The following SHANK2 variants were observed in gnomAD, a reference collection of about 807,000 sequenced individuals.
SHANK2 encodes the protein SH3 and multiple ankyrin repeat domains protein 2.
A neutral mutation model predicts 133.7 loss-of-function variants in SHANK2; 43 were observed. That is an observed-to-expected ratio of 0.32 (90% confidence interval 0.25 to 0.41). SHANK2 has a LOEUF of 0.41. Ranked by LOEUF, SHANK2 falls within the 10% of genes least tolerant of loss-of-function variation. SHANK2 has a pLI of 1.00. For synonymous variants in SHANK2, 1,017 were observed against 952.8 expected, an observed-to-expected ratio of 1.07 and a Z score of -1.24; for missense variants, 1,994 against 2,235.8, an observed-to-expected ratio of 0.89 and a Z score of 2.18.
chr11:70,833,951 G>T (rs1478299759), intron 11 of SHANK2, among the ~76,000 whole-genome samples: 1 of 152,216 alleles, frequency 6.6e-6, no homozygotes, highest in East Asian at 1.9e-4. Flanking sequence ...AGGCCCTTCT[G>T]CCAGGAAGGA....
intron 11 of SHANK2, among the ~76,000 whole-genome samples, chr11:70,872,562 C>A (rs1207216576): frequency 1.3e-5 from 2 of 151,924 alleles, no homozygotes; most frequent in Non-Finnish European, 2.9e-5. Flanking sequence ...GGAAGAGAGA[C>A]CCTCAGATGG....
intron 17 of SHANK2, among the ~76,000 whole-genome samples, chr11:70,614,734 G>A (rs34307042): frequency 0.049 from 7,429 of 152,330 alleles, 205 homozygotes; most frequent in South Asian, 0.069. Context: ...GTTGCTGTGA[G>A]AGCAAGGATG....
intron 9 of SHANK2, among the ~76,000 whole-genome samples, chr11:71,058,713 A>G (rs1020610286): frequency 6.6e-6 from 1 of 152,218 alleles, no homozygotes; most frequent in African/African-American, 2.4e-5. Context: ...TAGTGTACAG[A>G]CAACAGGTGT....
At chr11:70,522,404 G>A (rs2059341534) in intron 17 of SHANK2, among the ~76,000 whole-genome samples, 1 of 152,234 alleles carries the variant, frequency 6.6e-6, no homozygotes, top group Non-Finnish European at 1.5e-5. Context: ...TACCAAAGGG[G>A]TGGCCACAGC....
chr11:70,566,934 T>C (rs2059975604), intron 17 of SHANK2, among the ~76,000 whole-genome samples: 1 of 152,212 alleles, frequency 6.6e-6, no homozygotes, highest in African/African-American at 2.4e-5. Flanking sequence ...GAAGAATCTC[T>C]ACTCAGCCAC....
chr11:70,646,225 T>C (rs1182803914), intron 17 of SHANK2: 1 of 152,136 alleles, frequency 6.6e-6, no homozygotes, highest in Non-Finnish European at 1.5e-5. Context: ...GGAAAGATCG[T>C]TTCCCTTCCC....
In SHANK2 at chr11:70,759,061, A is replaced by C. The variant is rs979562319; in HGVS notation, c.1777+39382T>G. Among the ~76,000 whole-genome samples, 6 of 152,132 alleles carry C rather than the reference A, an allele frequency of 3.9e-5. No homozygotes were observed. In the East Asian group the frequency reaches 1.2e-3, roughly 29 times the overall value. ...GTAGTCCCAGCTACTCAGGAGGCCA[A>C]GACAGAGAACTGCTTGAACCTGGGA... On this transcript the variant is annotated intron_variant, in intron 14 of 25. Coordinates refer to ENST00000601538, the MANE Select transcript of SHANK2 (RefSeq NM_012309.5).
intron 11 of SHANK2, among the ~76,000 whole-genome samples, chr11:70,845,222 A>AAAAG (rs1183649793): frequency 6.6e-6 from 1 of 150,858 alleles, no homozygotes; most frequent in Non-Finnish European, 1.5e-5. Context: ...AAAAAAAAGA[A>AAAAG]AAAGAAAGAA....
intron 14 of SHANK2, among the ~76,000 whole-genome samples, chr11:70,724,893 T>G (rs1946148787): frequency 6.6e-6 from 1 of 152,170 alleles, no homozygotes; most frequent in South Asian, 2.1e-4. Flanking sequence ...CTGATGCCCA[T>G]ACACCCTACA....
At chr11:70,779,961 G>A (rs548332391) in intron 14 of SHANK2, among the ~76,000 whole-genome samples, 7 of 63,392 alleles carry the variant, frequency 1.1e-4, no homozygotes, top group Admixed American at 8.2e-4. Context: ...CAGGACTCTC[G>A]CTAAGAAGCT....
intron 15 of SHANK2, among the ~76,000 whole-genome samples, chr11:70,691,085 T>G (rs1945279244): frequency 6.6e-6 from 1 of 152,182 alleles, no homozygotes; most frequent in African/African-American, 2.4e-5. Context: ...TTACTTTCAT[T>G]ACATGCATGC....
At chr11:70,955,408 A>G (rs1950903928) in intron 10 of SHANK2, among the ~76,000 whole-genome samples, 1 of 143,432 alleles carries the variant, frequency 7.0e-6, no homozygotes, top group Non-Finnish European at 1.5e-5. Context: ...TTCTCCAGAG[A>G]CACAGACCCA....
chr11:70,716,355 C>T (rs1041581228), intron 14 of SHANK2, among the ~76,000 whole-genome samples: 4 of 151,852 alleles, frequency 2.6e-5, no homozygotes, highest in East Asian at 1.9e-4. Context: ...TGGGTGGGGG[C>T]GGGAGGATTC....
Position 71,244,142 on chromosome 11 carries a change from T to C in SHANK2, c.-113+8283A>G, listed in dbSNP as rs779664109. Among the ~76,000 whole-genome samples, 102 of 152,156 alleles carry C rather than the reference T, an allele frequency of 6.7e-4. 1 individual carries two copies. Among genetic ancestry groups the C allele is most frequent in the Non-Finnish European group, 7.6e-4 (52 of 68,020 alleles). On this transcript the variant is annotated intron_variant, in intron 1 of 25. Transcript: ENST00000601538. ...ACACTTGCAAGCCTGCCTCACTCTATAAATTGGCCAGGCTGCTCTCTCAGA... is the reference window on the plus strand; with the variant it reads ...ACACTTGCAAGCCTGCCTCACTCTACAAATTGGCCAGGCTGCTCTCTCAGA...
intron 10 of SHANK2, among the ~76,000 whole-genome samples, chr11:70,921,728 C>T (rs188778677): frequency 1.3e-5 from 2 of 152,328 alleles, no homozygotes; most frequent in African/African-American, 2.4e-5. Flanking sequence ...AAAACTACAA[C>T]CCAGCCTTGA....
At chr11:70,574,591 G>T (rs1222645978) in intron 17 of SHANK2, among the ~76,000 whole-genome samples, 1 of 152,198 alleles carries the variant, frequency 6.6e-6, no homozygotes, top group Non-Finnish European at 1.5e-5. Context: ...GCCCATGGGG[G>T]TGGCGTGCCC....
At chr11:70,881,963 C>T (rs1665505205) in intron 11 of SHANK2, among the ~76,000 whole-genome samples, 1 of 152,080 alleles carries the variant, frequency 6.6e-6, no homozygotes, top group African/African-American at 2.4e-5. Context: ...CCTCCCAGCC[C>T]AGCCTCCCAA....
rs555802959 is a variant in SHANK2, at chr11:70,479,452, G to A, written c.4979+5862C>T. Among the ~76,000 whole-genome samples, 18 of 152,344 alleles carry A rather than the reference G, an allele frequency of 1.2e-4. No homozygotes were observed. Among genetic ancestry groups the A allele is most frequent in the East Asian group, 5.8e-4 (3 of 5,188 alleles). ...CGCAGGGGCCTCGGGAGGAAAACTC[G>A]CCTGAGCTCACATCCCAGGTAGCCT... is the stretch of plus-strand genomic sequence containing the variant. On this transcript the variant is annotated intron_variant, in intron 25 of 25. Transcript: ENST00000601538. The surrounding 1 kb of genome is among the most constrained non-coding windows in gnomAD (Gnocchi z 4.4).
intron 14 of SHANK2, among the ~76,000 whole-genome samples, chr11:70,781,559 TA>T (rs1555045170): frequency 5.5e-4 from 7 of 12,754 alleles, no homozygotes; most frequent in African/African-American, 1.7e-3. Context: ...ACTTACTTAT[TA>T]TATATATATA....
Sources: gnomAD v4.1 joint callset for allele counts (sites outside exome capture counted in the v4.1 genomes callset) on GRCh38, gnomAD v4.1.1 for gene constraint, Gnocchi (gnomAD v3.1) non-coding constraint, MANE v1.5 for transcripts, NCBI Gene and HGNC (gene_info 2026-07-23, HGNC 2026-07-21) for gene names.